Variants in ACO2 observed in about 807,000 individuals in gnomAD.
The protein encoded by ACO2 is aconitase 2.
In ACO2, 31 loss-of-function variants were observed where a neutral mutation model predicts 84.5. The ratio of observed to expected loss-of-function variants is 0.37; its 90% CI spans 0.28 to 0.50. The LOEUF is 0.50. ACO2 is among the 20% of genes least tolerant of loss of function. The pLI, the probability that ACO2 is intolerant of heterozygous loss-of-function variation, is 0.97. For missense variants in ACO2, 685 were observed against 1,029.3 expected (o/e 0.67, Z 4.58); for synonymous variants, 414 against 412.7 (o/e 1.00, Z -0.04).
chr22:41,523,055 G>A, intron 10 of ACO2, 68 bp downstream of exon 10: 5 of 1,592,130 alleles, frequency 3.1e-6, no homozygotes, highest in Non-Finnish European at 3.4e-6. Flanking sequence ...GGCGGCACAA[G>A]CCCAGAGGCC....
intron 1 of ACO2, among the ~76,000 whole-genome samples, chr22:41,481,649 T>G (rs1319911172): frequency 1.3e-5 from 2 of 152,238 alleles, no homozygotes; most frequent in African/African-American, 4.8e-5. Context: ...GGTGTACATG[T>G]GATGTGCCGT....
intron 2 of ACO2, among the ~76,000 whole-genome samples, chr22:41,505,186 A>G (rs931150750): frequency 6.6e-6 from 1 of 152,098 alleles, no homozygotes; most frequent in African/African-American, 2.4e-5. Flanking sequence ...CGGGAAGATC[A>G]TGTGAGCCTA....
chr22:41,509,529 A>C (rs1276867627), intron 3 of ACO2, among the ~76,000 whole-genome samples: 1 of 152,102 alleles, frequency 6.6e-6, no homozygotes, highest in East Asian at 1.9e-4. Context: ...GGAAAGAGAG[A>C]GCTTCTTTGA....
rs560458565 is a variant in ACO2, at chr22:41,527,217, G to GCAGGTAGGGCCAGA, written c.1954-65_1954-52dup. 6.3e-4 allele frequency: 1,009 copies of GCAGGTAGGGCCAGA among 1,610,326 alleles called. 6 individuals are homozygous for GCAGGTAGGGCCAGA. The African/African-American group carries it at 0.012, about 19-fold the overall frequency. On this transcript the variant is annotated intron_variant, in intron 15 of 17. Coordinates refer to ENST00000216254, the MANE Select transcript of ACO2 (RefSeq NM_001098.3). ...CCAGGCGCCAGGTGGGTGAGGCCAG[G>GCAGGTAGGGCCAGA]CAGGTAGGGCCAGACAGGTGAGGAC...
At chr22:41,493,930 A>G (rs1213122999) in intron 1 of ACO2, among the ~76,000 whole-genome samples, 3 of 152,136 alleles carry the variant, frequency 2.0e-5, no homozygotes, top group African/African-American at 7.2e-5. Flanking sequence ...GTGGTGGCAC[A>G]TGCCTGTAAT....
intron 4 of ACO2, among the ~76,000 whole-genome samples, chr22:41,514,428 C>T (rs934801869): frequency 6.6e-6 from 1 of 152,182 alleles, no homozygotes; most frequent in Non-Finnish European, 1.5e-5. Context: ...GATGTGAGCA[C>T]GATTGTTAGC....
chr22:41,528,270 C>T (rs1165658081), intron 17 of ACO2: 2 of 847,634 alleles, frequency 2.4e-6, no homozygotes, highest in Non-Finnish European at 3.6e-6. Context: ...GGGGACAGCC[C>T]ACCCACTGCA....
intron 1 of ACO2, among the ~76,000 whole-genome samples, chr22:41,477,833 G>A (rs1275428554): frequency 6.6e-6 from 1 of 152,070 alleles, no homozygotes; most frequent in Non-Finnish European, 1.5e-5. Context: ...TTGGGAGGCC[G>A]AGATGGGTGG....
At chr22:41,527,214 C>T in intron 15 of ACO2, 74 bp from the exon 16 acceptor site, 2 of 1,609,502 alleles carry the variant, frequency 1.2e-6, no homozygotes, top group Non-Finnish European at 1.7e-6. Flanking sequence ...TGGGTGAGGC[C>T]AGGCAGGTAG....
chr22:41,499,773 A>G lies in ACO2; in HGVS notation c.84A>G (p.Gln28=), dbSNP rs150850549. 432 of 1,613,976 alleles carry G rather than the reference A, an allele frequency of 2.7e-4. 3 individuals carry two copies. The African/African-American group carries it at 5.3e-3, about 20-fold the overall frequency. ...RQYHVASVLC[Q]RAKVAMSHFE... Reference sequence around the variant, plus strand: ...ACCATGTGGCCTCAGTCCTGTGCCAACGGGCCAAGGTGGCGATGAGCCACT... The same window carrying G: ...ACCATGTGGCCTCAGTCCTGTGCCAGCGGGCCAAGGTGGCGATGAGCCACT... The change falls in exon 2 of 18, where the codon CAA becomes CAG. Residue 28 remains glutamine (Q), a synonymous_variant. Transcript: ENST00000216254.
At chr22:41,526,921 G>C (rs1393763236) in intron 15 of ACO2, 1 of 358,348 alleles carries the variant, frequency 2.8e-6, no homozygotes, top group South Asian at 3.4e-5. Context: ...TGGGGCAGAG[G>C]GTGCTCCCAG....
At chr22:41,500,832 T>A (rs1218878854) in intron 2 of ACO2, among the ~76,000 whole-genome samples, 2 of 151,972 alleles carry the variant, frequency 1.3e-5, no homozygotes, top group African/African-American at 4.8e-5. Flanking sequence ...GCCTCCCGAG[T>A]AGCTGGGACT....
chr22:41,520,599 T>C (rs1465794821), intron 9 of ACO2, among the ~76,000 whole-genome samples: 1 of 151,478 alleles, frequency 6.6e-6, no homozygotes, highest in Non-Finnish European at 1.5e-5. Context: ...TCCCAGCACT[T>C]TGGGAGGCCG....
chr22:41,527,341 G>T lies in ACO2; in HGVS notation c.2007G>T (p.Ser669=). 6.2e-7 allele frequency: 1 copy of T among 1,614,142 alleles called. No individual in the cohort carries two copies. ...VIGDENYGEG[S]SREHAALEPR... is the part of the protein sequence containing the mutation. Reference sequence around the variant, plus strand: ...GAGACGAGAACTACGGCGAGGGCTCGAGCCGGGAGCATGCAGCTCTGGAGC... The same window carrying T: ...GAGACGAGAACTACGGCGAGGGCTCTAGCCGGGAGCATGCAGCTCTGGAGC... Residue 669 remains serine, a synonymous_variant, in exon 16 of 18, where the codon TCG becomes TCT. Transcript: ENST00000216254.
chr22:41,516,399 A>G (rs1475808881), intron 6 of ACO2, among the ~76,000 whole-genome samples: 2 of 152,216 alleles, frequency 1.3e-5, no homozygotes, highest in African/African-American at 2.4e-5. Context: ...AAGACCAGGT[A>G]GGAGCCAGCT....
intron 1 of ACO2, among the ~76,000 whole-genome samples, chr22:41,470,498 A>G (rs2037931944): frequency 6.6e-6 from 1 of 150,540 alleles, no homozygotes; most frequent in Non-Finnish European, 1.5e-5. Context: ...GGCTAAGGGA[A>G]AGGATTTGCA....
At chr22:41,500,039 G>A (rs965537457) in intron 2 of ACO2, among the ~76,000 whole-genome samples, 177 bp downstream of exon 2, 4 of 152,164 alleles carry the variant, frequency 2.6e-5, no homozygotes, top group African/African-American at 9.7e-5. Context: ...TGTAACTTCT[G>A]TCCTCTCTGC....
rs2146160222 is a variant in ACO2, at chr22:41,528,799, C to T, written c.*186C>T. 5.4e-6 allele frequency: 4 copies of T among 747,616 alleles called. No individual in the cohort carries two copies. Among genetic ancestry groups the T allele is most frequent in the Admixed American group, 3.2e-5 (1 of 31,460 alleles). 46.3% of individuals were successfully genotyped at this position (747,616 alleles called of 1,614,324 possible). ...GGGGGTTCTTAAAATAACTTTTTAG[C>T]CCCCGTCTTCCTATTTTGAGTTTGG... On this transcript the variant is annotated 3_prime_UTR_variant, in exon 18 of 18. Coordinates refer to ENST00000216254, the MANE Select transcript of ACO2 (RefSeq NM_001098.3).
intron 6 of ACO2, among the ~76,000 whole-genome samples, chr22:41,516,428 C>T (rs1195752681): frequency 2.6e-5 from 4 of 152,228 alleles, no homozygotes; most frequent in African/African-American, 9.6e-5. Context: ...CCTGTCACTC[C>T]TGGTGACCTG....
Sources: allele counts gnomAD v4.1 joint callset (sites outside exome capture counted in the v4.1 genomes callset), GRCh38; gene constraint gnomAD v4.1.1; transcripts MANE v1.5; gene names NCBI Gene and HGNC (gene_info 2026-07-23, HGNC 2026-07-21).